KIRREL3: variants seen among roughly 807,000 people sequenced by gnomAD.
KIRREL3 encodes the protein kirre like nephrin family adhesion molecule 3.
A neutral mutation model predicts 89.7 loss-of-function variants in KIRREL3; 36 were observed. The ratio of observed to expected loss-of-function variants is 0.40; its 90% CI spans 0.31 to 0.53. The LOEUF (loss-of-function observed/expected upper bound fraction) is 0.53, where lower values mean the gene tolerates loss of function less well. KIRREL3 is among the 20% of genes least tolerant of loss of function. KIRREL3 has a pLI of 0.49. For missense variants in KIRREL3, 864 were observed against 1,056.6 expected (o/e 0.82, Z 2.53); for synonymous variants, 445 against 441.4 (o/e 1.01, Z -0.10).
chr11:126,707,767 T>C (rs1426005684), intron 1 of KIRREL3, among the ~76,000 whole-genome samples: 1 of 151,996 alleles, frequency 6.6e-6, no homozygotes, highest in Non-Finnish European at 1.5e-5. Flanking sequence ...CTGGGTCATT[T>C]CTCCCAGACT....
chr11:126,762,630 T>C (rs1202547454), intron 1 of KIRREL3, among the ~76,000 whole-genome samples: 2 of 152,170 alleles, frequency 1.3e-5, no homozygotes, highest in Non-Finnish European at 2.9e-5. Flanking sequence ...GGAGCAACCC[T>C]TGTGGACTCA....
chr11:126,446,979 T>C, intron 8 of KIRREL3, 93 bp from the exon 9 acceptor site: 12 of 1,472,408 alleles, frequency 8.1e-6, no homozygotes, highest in Non-Finnish European at 1.0e-5. Context: ...AGACCTTGAC[T>C]GGGGGGAGGC....
intron 1 of KIRREL3, among the ~76,000 whole-genome samples, chr11:126,657,079 C>T (rs538203971): frequency 1.4e-3 from 208 of 151,588 alleles, no homozygotes; most frequent in Non-Finnish European, 2.6e-3. Flanking sequence ...CAAAAAAAAA[C>T]AGAAAAAATA....
Position 126,807,587 on chromosome 11 carries a change from C to T in KIRREL3, c.55+192868G>A, listed in dbSNP as rs1951243492. Among the ~76,000 whole-genome samples, 1 of 152,252 alleles carries T rather than the reference C, an allele frequency of 6.6e-6. No individual in the cohort carries two copies. The highest frequency in any genetic ancestry group is 1.9e-4 in the East Asian group (1 of 5,204). ...GTGCATTCATAGACACACGGAACCT[C>T]ATGCAGGTACCCAATTATGCTGTGC... On this transcript the variant is annotated intron_variant, in intron 1 of 16. Coordinates refer to ENST00000525144, the MANE Select transcript of KIRREL3 (RefSeq NM_032531.4). This position sits in a 1 kb window ranked among gnomAD's most constrained non-coding sequence, Gnocchi z 4.3.
chr11:126,444,939 TC>T, intron 10 of KIRREL3, 39 bp downstream of exon 10: 1 of 1,609,846 alleles, frequency 6.2e-7, no homozygotes, highest in Non-Finnish European at 8.5e-7. Flanking sequence ...AGGTCCTTCT[TC>T]CCTCCCTCAG....
intron 2 of KIRREL3, among the ~76,000 whole-genome samples, chr11:126,548,947 T>C (rs990115679): frequency 2.0e-5 from 3 of 152,160 alleles, no homozygotes; most frequent in Non-Finnish European, 4.4e-5. Context: ...TAATGTTTAG[T>C]CAAACCTTGG....
chr11:126,693,650 C>T (rs1293242836), intron 1 of KIRREL3, among the ~76,000 whole-genome samples: 1 of 151,728 alleles, frequency 6.6e-6, no homozygotes, highest in Non-Finnish European at 1.5e-5. Context: ...CAGAGGAAGC[C>T]TCAAATCAGG....
At chr11:126,853,750 C>A (rs1321702025) in intron 1 of KIRREL3, among the ~76,000 whole-genome samples, 2 of 151,134 alleles carry the variant, frequency 1.3e-5, no homozygotes, top group African/African-American at 2.4e-5. Flanking sequence ...AAAAAAAAAA[C>A]AAAACAAAAC....
rs774147596 is a variant in KIRREL3 at position 126,954,737 on chromosome 11, C to T, written c.55+45718G>A. 3.9e-5 allele frequency among the ~76,000 whole-genome samples: 6 copies of T among 152,276 alleles called. 1 individual carries two copies. The highest frequency in any genetic ancestry group is 4.1e-4 in the South Asian group (2 of 4,828). ...CAGTAGTCATATATTGAGTTCCTACCGTGGTAGGCTTCATCCCTGTAGATG... is the reference window on the plus strand; with the variant it reads ...CAGTAGTCATATATTGAGTTCCTACTGTGGTAGGCTTCATCCCTGTAGATG... On this transcript the variant is annotated intron_variant, in intron 1 of 16. Coordinates refer to ENST00000525144, the MANE Select transcript of KIRREL3 (RefSeq NM_032531.4). This position sits in a 1 kb window ranked among gnomAD's most constrained non-coding sequence, Gnocchi z 4.1.
In KIRREL3 at chr11:126,462,422, T is replaced by C. The variant is rs1426626862; in HGVS notation, c.742+735A>G. ...GCTCACATCTGTAATCCCAGCACTT[T>C]AGGAGGCCAAGGCGGGCGGAACACT... On this transcript the variant is annotated intron_variant, in intron 6 of 16. Coordinates refer to ENST00000525144, the MANE Select transcript of KIRREL3 (RefSeq NM_032531.4). This position sits in a 1 kb window ranked among gnomAD's most constrained non-coding sequence, Gnocchi z 4.8. 1.3e-5 allele frequency among the ~76,000 whole-genome samples: 2 copies of C among 152,158 alleles called. No individual in the cohort carries two copies. Among genetic ancestry groups the C allele is most frequent in the Non-Finnish European group, 2.9e-5 (2 of 68,038 alleles).
rs1321738799 is a variant in KIRREL3, at chr11:126,772,772, C to T, written c.56-209860G>A. Among the ~76,000 whole-genome samples the T allele has an allele frequency of 6.6e-6, 1 of 152,180 alleles. No individual in the cohort carries two copies. Among genetic ancestry groups the T allele is most frequent in the Admixed American group, 6.5e-5 (1 of 15,282 alleles). On this transcript the variant is annotated intron_variant, in intron 1 of 16. Coordinates refer to ENST00000525144, the MANE Select transcript of KIRREL3 (RefSeq NM_032531.4). This position sits in a 1 kb window ranked among gnomAD's most constrained non-coding sequence, Gnocchi z 4.6. ...GGTGCCATCGTGGTGCCTTCTGCTTCCTCCTGCCCTGAGGAGTTTCTTCCT... is the reference window on the plus strand; with the variant it reads ...GGTGCCATCGTGGTGCCTTCTGCTTTCTCCTGCCCTGAGGAGTTTCTTCCT...
chr11:126,436,783 G>T, intron 12 of KIRREL3, 28 bp downstream of exon 12: 1 of 1,612,306 alleles, frequency 6.2e-7, no homozygotes, highest in South Asian at 1.1e-5. Flanking sequence ...ATCGTTCGTT[G>T]TTCCCTCATG....
At chr11:126,775,639 T>A (rs1398673046) in intron 1 of KIRREL3, among the ~76,000 whole-genome samples, 2 of 152,306 alleles carry the variant, frequency 1.3e-5, no homozygotes, top group South Asian at 4.1e-4. Context: ...CGGTGCATAG[T>A]AGGTGCTCAA....
At chr11:126,951,482 G>A (rs761873374) in intron 1 of KIRREL3, among the ~76,000 whole-genome samples, 1 of 152,184 alleles carries the variant, frequency 6.6e-6, no homozygotes, top group Non-Finnish European at 1.5e-5. Flanking sequence ...TGAGAAGGAG[G>A]TATCAGGAGG....
At chr11:126,497,739 A>T (rs1365040511) in intron 4 of KIRREL3, among the ~76,000 whole-genome samples, 1 of 152,230 alleles carries the variant, frequency 6.6e-6, no homozygotes, top group Non-Finnish European at 1.5e-5. Context: ...GCCAGTGCAC[A>T]TGGATGCATG....
chr11:126,536,642 CTTTTTTTTTTTTTTTT>C (rs145142970), intron 2 of KIRREL3, among the ~76,000 whole-genome samples: 1 of 77,166 alleles, frequency 1.3e-5, no homozygotes, highest in Non-Finnish European at 2.3e-5. Context: ...CTGGGCAATG[CTTTTTTTTTTTTTTTT>C]TTTTTTTTTG....
rs2135194279 is a variant in KIRREL3, at chr11:126,965,212, T to G, written c.55+35243A>C. 6.6e-6 allele frequency among the ~76,000 whole-genome samples: 1 copy of G among 152,334 alleles called. No homozygotes were observed. Among genetic ancestry groups the G allele is most frequent in the Admixed American group, 6.5e-5 (1 of 15,294 alleles). ...GTCTTAATTAACATTCCTGGTCAAA[T>G]TAATAAGTCCACTTGGTTTGATTAC... On this transcript the variant is annotated intron_variant, in intron 1 of 16. Transcript: ENST00000525144. This position sits in a 1 kb window ranked among gnomAD's most constrained non-coding sequence, Gnocchi z 4.4.
At chr11:126,857,779 C>CTG (rs201231092) in intron 1 of KIRREL3, among the ~76,000 whole-genome samples, 15 of 14,538 alleles carry the variant, frequency 1.0e-3, no homozygotes, top group East Asian at 0.019. Context: ...AGTCTTCAGG[C>CTG]TGTGGGGGTG....
chr11:126,803,428 A>G (rs145493381), intron 1 of KIRREL3, among the ~76,000 whole-genome samples: 1 of 152,286 alleles, frequency 6.6e-6, no homozygotes, highest in East Asian at 1.9e-4. Context: ...TCAACAAAGG[A>G]TTGGTGTTAG....
Sources: allele counts gnomAD v4.1 joint callset (sites outside exome capture counted in the v4.1 genomes callset), GRCh38; gene constraint gnomAD v4.1.1; non-coding constraint Gnocchi (gnomAD v3.1); transcripts MANE v1.5; gene names NCBI Gene and HGNC (gene_info 2026-07-23, HGNC 2026-07-21).